Variants in ZNF12 observed in about 807,000 individuals in gnomAD.
ZNF12 encodes gonadotropin inducible transcription repressor 3.
ZNF12 carries 34 observed loss-of-function variants against 66.6 expected under a neutral mutation model. The ratio of observed to expected loss-of-function variants is 0.51; its 90% CI spans 0.39 to 0.68. ZNF12 has a LOEUF of 0.68. ZNF12 is among the 30% of genes least tolerant of loss of function. The pLI, the probability that ZNF12 is intolerant of heterozygous loss-of-function variation, is 0.00. For missense variants in ZNF12, 697 were observed against 826.9 expected (o/e 0.84, Z 1.93); for synonymous variants, 320 against 278.9 (o/e 1.15, Z -1.47).
At chr7:6,704,049 TG>T (rs1323094973) in intron 2 of ZNF12, 1 of 152,168 alleles carries the variant, frequency 6.6e-6, no homozygotes, top group African/African-American at 2.4e-5. Flanking sequence ...GGAGGCGGCT[TG>T]GCATGGTGGC....
Position 6,690,776 on chromosome 7 carries a change from T to G in ZNF12, c.*72A>C. 1 of 1,409,532 alleles carries G rather than the reference T, an allele frequency of 7.1e-7. No homozygotes were observed. Among genetic ancestry groups the G allele is most frequent in the Non-Finnish European group, 9.5e-7 (1 of 1,053,930 alleles). The allele number at this position is 1,409,532 out of a possible 1,614,324, so 87.3% of individuals were successfully genotyped here. Reference sequence around the variant, plus strand: ...TGTGTGAACTCTCTGATGTACAAGGTGTTTGACTTCAGGCAGGAGTTTCTG... The same window carrying G: ...TGTGTGAACTCTCTGATGTACAAGGGGTTTGACTTCAGGCAGGAGTTTCTG... On this transcript the variant is annotated 3_prime_UTR_variant, in exon 5 of 5. Transcript: ENST00000405858.
chr7:6,691,149 G>C lies in ZNF12; in HGVS notation c.1793C>G (p.Thr598Arg), dbSNP rs1416212210. The C allele has an allele frequency of 1.2e-6, 2 of 1,613,546 alleles. No homozygotes were observed. The highest frequency in any genetic ancestry group is 2.2e-5 in the South Asian group (2 of 91,028). ...QNSALNRHQR[T>R]HTGEKAYECY... ...TTCGTAGGCTTTCTCTCCTGTGTGT[G>C]TTCTCTGATGTCGATTAAGGGCTGA... Residue 598 changes from threonine to arginine, a missense_variant, in exon 5 of 5, where the codon ACA becomes AGA. Around this residue, in one of 3 missense-constraint regions of ZNF12, gnomAD observed 401 missense variants for 519.0 expected, o/e 0.77. Coordinates refer to ENST00000405858, the MANE Select transcript of ZNF12 (RefSeq NM_016265.4).
chr7:6,697,039 A>G lies in ZNF12; in HGVS notation c.238+300T>C, dbSNP rs561968762. The stretch of plus-strand genomic sequence containing the variant: ...TAAGTTATTTTTAAATGTCAGACTT[A>G]TAACACCTAAAAAATCCATGATAAT... On this transcript the variant is annotated intron_variant, in intron 4 of 4. Transcript: ENST00000405858. The surrounding 1 kb of genome is among the most constrained non-coding windows in gnomAD (Gnocchi z 6.1). Among the ~76,000 whole-genome samples, 9 of 152,292 alleles carry G rather than the reference A, an allele frequency of 5.9e-5. No individual in the cohort carries two copies. In the East Asian group the frequency reaches 1.2e-3, roughly 20 times the overall value.
rs976465576 is a variant in ZNF12 at position 6,696,889 on chromosome 7, T to C, written c.238+450A>G. On this transcript the variant is annotated intron_variant, in intron 4 of 4. Transcript: ENST00000405858. The surrounding 1 kb of genome is among the most constrained non-coding windows in gnomAD (Gnocchi z 4.0). ...CTGGCTTAGGCACAGGATGGGAACTTTGGAGTCTAACCTCAAAGAAAGAAA... is the reference window on the plus strand; with the variant it reads ...CTGGCTTAGGCACAGGATGGGAACTCTGGAGTCTAACCTCAAAGAAAGAAA... 4.6e-5 allele frequency among the ~76,000 whole-genome samples: 7 copies of C among 151,812 alleles called. No individual in the cohort carries two copies. The highest frequency in any genetic ancestry group is 6.6e-5 in the Admixed American group (1 of 15,236).
At position 6,689,547 on chromosome 7, in the gene ZNF12, T is replaced by A. The variant is rs1478660461; in HGVS notation, c.*1301A>T. On this transcript the variant is annotated 3_prime_UTR_variant, in exon 5 of 5. Coordinates refer to ENST00000405858, the MANE Select transcript of ZNF12 (RefSeq NM_016265.4). ...TCACTTCCTTTTGAGGATAAATGGA[T>A]AACCAAACTCCGCCAGCAGAGTAAG... The A allele has an allele frequency of 6.6e-6, 1 of 152,578 alleles. No individual in the cohort carries two copies. Among genetic ancestry groups the A allele is most frequent in the Non-Finnish European group, 1.5e-5 (1 of 68,052 alleles). The allele number at this position is 152,578 out of a possible 1,614,324, so 9.5% of individuals were successfully genotyped here. A position where few individuals can be genotyped will look rare whatever the true frequency, so the allele number is the denominator to read the frequency against.
chr7:6,691,062 T>A lies in ZNF12; in HGVS notation c.1880A>T (p.His627Leu). The change falls in exon 5 of 5, where the codon CAT becomes CTT. Residue 627 changes from histidine to leucine, a missense_variant. Coordinates refer to ENST00000405858, the MANE Select transcript of ZNF12 (RefSeq NM_016265.4). Reference protein sequence around the residue: ...MSYLTIHHRIHSGEKPFECNE... With the variant: ...MSYLTIHHRILSGEKPFECNE... ...ACATTCAAAGGGTTTCTCTCCTGAATGAATTCGATGATGTATAGTGAGATA... is the reference window on the plus strand; with the variant it reads ...ACATTCAAAGGGTTTCTCTCCTGAAAGAATTCGATGATGTATAGTGAGATA... 1.2e-6 allele frequency: 2 copies of A among 1,614,180 alleles called. No homozygotes were observed. Among genetic ancestry groups the A allele is most frequent in the Non-Finnish European group, 1.7e-6 (2 of 1,180,010 alleles).
In ZNF12 at chr7:6,705,563, A is replaced by C. The variant is rs186564851; in HGVS notation, c.-50-340T>G. ...GTGAAACCCCATGTCTAGTAAAAATACAAAAATTAGCTGGGCGTGGTGGCG... is the reference window on the plus strand; with the variant it reads ...GTGAAACCCCATGTCTAGTAAAAATCCAAAAATTAGCTGGGCGTGGTGGCG... On this transcript the variant is annotated intron_variant, in intron 1 of 4. Coordinates refer to ENST00000405858, the MANE Select transcript of ZNF12 (RefSeq NM_016265.4). The surrounding 1 kb of genome is among the most constrained non-coding windows in gnomAD (Gnocchi z 4.0). Among the ~76,000 whole-genome samples the C allele has an allele frequency of 3.7e-4, 57 of 152,322 alleles. 2 individuals are homozygous for C. The East Asian group carries it at 0.01, about 28-fold the overall frequency.
intron 2 of ZNF12, among the ~76,000 whole-genome samples, chr7:6,699,675 T>C (rs1284767672): frequency 1.3e-5 from 2 of 152,222 alleles, no homozygotes; most frequent in African/African-American, 4.8e-5. Context: ...GTTTATTTCT[T>C]AGGAAAGTCA....
chr7:6,695,723 A>C (rs1181915832), intron 4 of ZNF12, among the ~76,000 whole-genome samples: 3 of 152,248 alleles, frequency 2.0e-5, no homozygotes, highest in Admixed American at 2.0e-4. Context: ...CGAATAACAG[A>C]TTACTTAATC....
At chr7:6,693,172 A>G (rs1018107085) in intron 4 of ZNF12, among the ~76,000 whole-genome samples, 6 of 152,214 alleles carry the variant, frequency 3.9e-5, no homozygotes, top group African/African-American at 1.4e-4. Flanking sequence ...CTTCATACCA[A>G]GTTGAGAGAG....
chr7:6,692,692 G>C lies in ZNF12; in HGVS notation c.250C>G (p.Gln84Glu), dbSNP rs948041162. ...LLQSYPDEVW[Q>E]TDDLIERIQE... is the part of the protein sequence containing the mutation. Reference sequence around the variant, plus strand: ...ATTCTCTCTATTAGGTCATCAGTTTGCCAGACTTCATCTAAAGAGAGACAA... The same window carrying C: ...ATTCTCTCTATTAGGTCATCAGTTTCCCAGACTTCATCTAAAGAGAGACAA... The change falls in exon 5 of 5, where the codon CAA (glutamine) becomes GAA (glutamate). Residue 84 changes from glutamine to glutamate, a missense_variant. By Grantham distance (29) the Gln-to-Glu change is conservative. Around this residue, in one of 3 missense-constraint regions of ZNF12, gnomAD observed 241 missense variants for 224.0 expected, o/e 1.08. Coordinates refer to ENST00000405858, the MANE Select transcript of ZNF12 (RefSeq NM_016265.4). The surrounding 1 kb of genome is among the most constrained non-coding windows in gnomAD (Gnocchi z 5.1). The C allele has an allele frequency of 3.2e-6, 5 of 1,572,356 alleles. No individual in the cohort carries two copies. The Admixed American group carries it at 1.0e-4, about 32-fold the overall frequency.
At chr7:6,703,272 C>A (rs1056747072) in intron 2 of ZNF12, among the ~76,000 whole-genome samples, 2 of 152,184 alleles carry the variant, frequency 1.3e-5, no homozygotes, top group African/African-American at 4.8e-5. Flanking sequence ...ATGATGAACA[C>A]TTCAGGAGAA....
chr7:6,706,127 A>T (rs1409043950), intron 1 of ZNF12, among the ~76,000 whole-genome samples: 1 of 152,196 alleles, frequency 6.6e-6, no homozygotes, highest in Non-Finnish European at 1.5e-5. Flanking sequence ...CTAAGGGGGA[A>T]TCAGCACTTA....
chr7:6,697,924 G>A lies in ZNF12; in HGVS notation c.16-113C>T. 8.5e-7 allele frequency: 1 copy of A among 1,172,066 alleles called. No homozygotes were observed. The highest frequency in any genetic ancestry group is 1.2e-5 in the South Asian group (1 of 82,002). The allele number at this position is 1,172,066 out of a possible 1,614,324, so 72.6% of individuals were successfully genotyped here. On this transcript the variant is annotated intron_variant, in intron 2 of 4. Coordinates refer to ENST00000405858, the MANE Select transcript of ZNF12 (RefSeq NM_016265.4). The surrounding 1 kb of genome is among the most constrained non-coding windows in gnomAD (Gnocchi z 6.1). Reference sequence around the variant, plus strand: ...TGAACACTGTATACCTTTATTTTATGTTACAGACTGTCAAAGGGAAACAAA... The same window carrying A: ...TGAACACTGTATACCTTTATTTTATATTACAGACTGTCAAAGGGAAACAAA...
At position 6,697,523 on chromosome 7, in the gene ZNF12, T is replaced by C. The variant is rs1780172140; in HGVS notation, c.143-89A>G. On this transcript the variant is annotated intron_variant, in intron 3 of 4. Transcript: ENST00000405858. The surrounding 1 kb of genome is among the most constrained non-coding windows in gnomAD (Gnocchi z 6.1). Reference sequence around the variant, plus strand: ...CAGGGAAAATTCCATTTGTGTCTTATCAAAATCAGAACTTTTCACGGGGGA... The same window carrying C: ...CAGGGAAAATTCCATTTGTGTCTTACCAAAATCAGAACTTTTCACGGGGGA... The C allele has an allele frequency of 6.5e-7, 1 of 1,530,584 alleles. No individual in the cohort carries two copies. The highest frequency in any genetic ancestry group is 1.2e-5 in the South Asian group (1 of 84,538). 94.8% of individuals were successfully genotyped at this position (1,530,584 alleles called of 1,614,324 possible). A position where few individuals can be genotyped will look rare whatever the true frequency, so the allele number is the denominator to read the frequency against.
chr7:6,690,668 T>C lies in ZNF12; in HGVS notation c.*180A>G, dbSNP rs1780051363. The stretch of plus-strand genomic sequence containing the variant: ...TCTATAGTCTAGTATTGTTATACCA[T>C]GTGGTCTTGTTATAATCATGGTTTC... On this transcript the variant is annotated 3_prime_UTR_variant, in exon 5 of 5. Transcript: ENST00000405858. 6 of 612,860 alleles carry C rather than the reference T, an allele frequency of 9.8e-6. No homozygotes were observed. The highest frequency in any genetic ancestry group is 2.3e-5 in the South Asian group (1 of 42,878). 38.0% of individuals were successfully genotyped at this position (612,860 alleles called of 1,614,324 possible).
chr7:6,704,876 C>T (rs1419890086), intron 2 of ZNF12, among the ~76,000 whole-genome samples: 7 of 151,030 alleles, frequency 4.6e-5, no homozygotes, highest in African/African-American at 1.5e-4. Flanking sequence ...AGTGATTCTG[C>T]TTACGGTCAA....
Position 6,698,034 on chromosome 7 carries a change from C to A in ZNF12, c.16-223G>T. On this transcript the variant is annotated intron_variant, in intron 2 of 4. Coordinates refer to ENST00000405858, the MANE Select transcript of ZNF12 (RefSeq NM_016265.4). The surrounding 1 kb of genome is among the most constrained non-coding windows in gnomAD (Gnocchi z 4.4). ...ACAAAAAAACAACACTGGGATTGCA[C>A]GGTGAGCCAGAAACAATCCTGGCTG... 1 of 729,796 alleles carries A rather than the reference C, an allele frequency of 1.4e-6. No individual in the cohort carries two copies. Among genetic ancestry groups the A allele is most frequent in the South Asian group, 1.4e-5 (1 of 73,420 alleles). 45.2% of individuals were successfully genotyped at this position (729,796 alleles called of 1,614,324 possible). A position where few individuals can be genotyped will look rare whatever the true frequency, so the allele number is the denominator to read the frequency against.
chr7:6,692,600 A>G lies in ZNF12; in HGVS notation c.342T>C (p.Gly114=), dbSNP rs546217847. ...CATCAAAAGTTTTACCAGGAACATT[A>G]CCTCTCTCTTCAATCAGGGTCTCAA... The part of the protein sequence containing the change: ...VFIETLIEER[G]NVPGKTFDVE... Residue 114 remains glycine (G), a synonymous_variant, in exon 5 of 5, where the codon GGT becomes GGC. Coordinates refer to ENST00000405858, the MANE Select transcript of ZNF12 (RefSeq NM_016265.4). The surrounding 1 kb of genome is among the most constrained non-coding windows in gnomAD (Gnocchi z 5.1). 1 of 1,613,776 alleles carries G rather than the reference A, an allele frequency of 6.2e-7. No homozygotes were observed. The highest frequency in any genetic ancestry group is 1.1e-5 in the South Asian group (1 of 91,046).
Sources: allele counts gnomAD v4.1 joint callset (sites outside exome capture counted in the v4.1 genomes callset), GRCh38; gene constraint gnomAD v4.1.1; regional missense constraint gnomAD v4.1.1; non-coding constraint Gnocchi (gnomAD v3.1); transcripts MANE v1.5; gene names NCBI Gene and HGNC (gene_info 2026-07-23, HGNC 2026-07-21).